The following PHACTR1 variants were observed in gnomAD, a reference collection of about 807,000 sequenced individuals.
The protein encoded by PHACTR1 is RPEL repeat containing 1.
In PHACTR1, 16 loss-of-function variants were observed where a neutral mutation model predicts 69.2. That is an observed-to-expected ratio of 0.23 (90% CI 0.16 to 0.35). PHACTR1 has a LOEUF of 0.35. PHACTR1 is among the 10% of genes least tolerant of loss of function. The pLI, the probability that PHACTR1 is intolerant of heterozygous loss-of-function variation, is 1.00. For missense variants in PHACTR1, 510 were observed against 734.7 expected (o/e 0.69, Z 3.54); for synonymous variants, 312 against 284.5 (o/e 1.10, Z -0.97).
chr6:12,749,324 C>A, intron 3 of PHACTR1: 1 of 434,422 alleles, frequency 2.3e-6, no homozygotes, highest in Non-Finnish European at 4.4e-6. Context: ...CAGCCAAAAG[C>A]ACTGGCCCCT....
At chr6:13,265,032 A>C (rs1161735251) in intron 10 of PHACTR1, 1 of 151,828 alleles carries the variant, frequency 6.6e-6, no homozygotes, top group Non-Finnish European at 1.5e-5. Flanking sequence ...CTGAAAAAAA[A>C]AAAATAATAA....
At chr6:12,949,281 A>G (rs1422907161) in intron 4 of PHACTR1, among the ~76,000 whole-genome samples, 1 of 150,890 alleles carries the variant, frequency 6.6e-6, no homozygotes, top group Admixed American at 6.6e-5. Context: ...AAAAAAAAAA[A>G]AAAAAAGAAA....
At chr6:13,284,517 C>CAAAAAAAAA (rs58847683) in intron 13 of PHACTR1, among the ~76,000 whole-genome samples, 5 of 40,022 alleles carry the variant, frequency 1.2e-4, no homozygotes, top group African/African-American at 3.5e-4. Flanking sequence ...AACTCCATCT[C>CAAAAAAAAA]AAAAAAAAAA....
chr6:12,834,991 C>A (rs1466729337), intron 4 of PHACTR1, among the ~76,000 whole-genome samples: 6 of 152,068 alleles, frequency 3.9e-5, no homozygotes, highest in Admixed American at 1.3e-4. Flanking sequence ...GCCTCACAAC[C>A]AATTAACAAT....
intron 4 of PHACTR1, among the ~76,000 whole-genome samples, chr6:13,000,336 C>T (rs1338085845): frequency 1.3e-5 from 2 of 152,006 alleles, no homozygotes; most frequent in African/African-American, 4.8e-5. Flanking sequence ...TCCCTTGAGC[C>T]CAGGAGTTCA....
At chr6:12,977,278 C>A (rs1301209083) in intron 4 of PHACTR1, among the ~76,000 whole-genome samples, 1 of 152,016 alleles carries the variant, frequency 6.6e-6, no homozygotes, top group East Asian at 1.9e-4. Context: ...TTTAGGCATC[C>A]ATTGAGGGTG....
intron 4 of PHACTR1, among the ~76,000 whole-genome samples, chr6:12,846,065 AAAACAAACAAAC>A (rs36100593): frequency 3.3e-5 from 5 of 151,676 alleles, no homozygotes; most frequent in Middle Eastern, 3.4e-3. Context: ...CATTTCTTTA[AAAACAAACAAAC>A]AAACAAACAA....
chr6:13,007,766 A>G (rs1174064319), intron 4 of PHACTR1, among the ~76,000 whole-genome samples: 2 of 152,030 alleles, frequency 1.3e-5, no homozygotes, highest in Admixed American at 6.6e-5. Flanking sequence ...GCTGCAATCA[A>G]AAAACTACAG....
intron 10 of PHACTR1, among the ~76,000 whole-genome samples, chr6:13,262,023 T>C (rs549339407): frequency 6.6e-6 from 1 of 152,332 alleles, no homozygotes; most frequent in South Asian, 2.1e-4. Flanking sequence ...TGTAAAGGCA[T>C]ACTTACTTTT....
chr6:13,072,428 A>G (rs1809674300), intron 5 of PHACTR1, among the ~76,000 whole-genome samples: 1 of 152,216 alleles, frequency 6.6e-6, no homozygotes, highest in African/African-American at 2.4e-5. Context: ...AGCAGAGACA[A>G]AAATGCACCC....
In PHACTR1 at chr6:13,013,796, C is replaced by A. The variant is rs183137937; in HGVS notation, c.251-39569C>A. On this transcript the variant is annotated intron_variant, in intron 4 of 14. Coordinates refer to ENST00000332995, the MANE Select transcript of PHACTR1 (RefSeq NM_030948.6). The stretch of plus-strand genomic sequence containing the variant: ...GCTTATATAGAGCGGCCGGCGCGGG[C>A]GGGGCGGGGGCATGCTGGCGAGGCC... 1.5e-4 allele frequency among the ~76,000 whole-genome samples: 23 copies of A among 149,034 alleles called. No homozygotes were observed. The South Asian group carries it at 4.8e-3, about 31-fold the overall frequency.
chr6:12,990,684 G>A (rs887730276), intron 4 of PHACTR1, among the ~76,000 whole-genome samples: 2 of 152,210 alleles, frequency 1.3e-5, no homozygotes, highest in African/African-American at 4.8e-5. Context: ...ACAGCCTTCT[G>A]CACCTGCCCC....
intron 4 of PHACTR1, among the ~76,000 whole-genome samples, chr6:12,878,227 G>A (rs745449251): frequency 1.7e-4 from 26 of 152,162 alleles, no homozygotes; most frequent in Non-Finnish European, 3.2e-4. Flanking sequence ...TTTGCCATGA[G>A]TACAAGGACC....
intron 5 of PHACTR1, among the ~76,000 whole-genome samples, chr6:13,155,698 G>T (rs1003264240): frequency 3.9e-5 from 6 of 152,116 alleles, no homozygotes; most frequent in African/African-American, 1.4e-4. Context: ...GACCAGCCTG[G>T]CCAACATGGT....
At chr6:13,050,432 C>T (rs1343541288) in intron 4 of PHACTR1, among the ~76,000 whole-genome samples, 1 of 152,160 alleles carries the variant, frequency 6.6e-6, no homozygotes, top group Non-Finnish European at 1.5e-5. Flanking sequence ...TGATCAGAGA[C>T]CTCAGTTCAA....
intron 4 of PHACTR1, among the ~76,000 whole-genome samples, chr6:12,957,013 G>A (rs944197059): frequency 6.8e-6 from 1 of 146,808 alleles, no homozygotes; most frequent in African/African-American, 2.5e-5. Context: ...GAAGGTTCAA[G>A]GAAAGTTAAT....
chr6:13,060,154 G>A lies in PHACTR1; in HGVS notation c.415+6625G>A, dbSNP rs74781307. On this transcript the variant is annotated intron_variant, in intron 5 of 14. Coordinates refer to ENST00000332995, the MANE Select transcript of PHACTR1 (RefSeq NM_030948.6). Reference sequence around the variant, plus strand: ...TACAGTTAACCGTGTTTAATACCATGAAGTCAAGTGGAAGAAGTACAGAAA... The same window carrying A: ...TACAGTTAACCGTGTTTAATACCATAAAGTCAAGTGGAAGAAGTACAGAAA... Among the ~76,000 whole-genome samples, 706 of 152,250 alleles carry A rather than the reference G, an allele frequency of 4.6e-3. 4 individuals carry two copies. The highest frequency in any genetic ancestry group is 0.016 in the African/African-American group (680 of 41,542).
At chr6:13,168,324 A>T (rs1760114394) in intron 6 of PHACTR1, among the ~76,000 whole-genome samples, 1 of 152,248 alleles carries the variant, frequency 6.6e-6, no homozygotes, top group Non-Finnish European at 1.5e-5. Context: ...AACAATAAGA[A>T]TAAAGAGCAA....
At chr6:12,895,177 CTTTTTTTTTTTTT>C (rs139510433) in intron 4 of PHACTR1, among the ~76,000 whole-genome samples, 5 of 88,278 alleles carry the variant, frequency 5.7e-5, no homozygotes, top group Middle Eastern at 9.4e-3. Flanking sequence ...TTTCTTTTTT[CTTTTTTTTTTTTT>C]TTTTTTTTGA....
Sources: allele counts gnomAD v4.1 joint callset (sites outside exome capture counted in the v4.1 genomes callset), GRCh38; gene constraint gnomAD v4.1.1; transcripts MANE v1.5; gene names NCBI Gene and HGNC (gene_info 2026-07-23, HGNC 2026-07-21).